The following MYT1L variants were observed in gnomAD, a reference collection of about 807,000 sequenced individuals.
MYT1L encodes the protein myelin transcription factor 1 like.
A neutral mutation model predicts 126.7 loss-of-function variants in MYT1L; 12 were observed. That is an observed-to-expected ratio of 0.09 (90% CI 0.06 to 0.15). MYT1L has a LOEUF of 0.15. MYT1L is among the 10% of genes least tolerant of loss of function. The pLI is 1.00. For synonymous variants in MYT1L, 541 were observed against 604.2 expected (o/e 0.90, Z 1.53); for missense variants, 979 against 1,585.2 (o/e 0.62, Z 6.49).
chr2:2,265,312 C>CT (rs199797506), intron 2 of MYT1L, among the ~76,000 whole-genome samples: 2,215 of 145,260 alleles, frequency 0.015, 33 homozygotes, highest in East Asian at 0.081. Flanking sequence ...CTGGCCCATC[C>CT]TTTTTTTTTT....
intron 1 of MYT1L, chr2:2,327,198 C>T (rs1399160639): frequency 1.3e-5 from 2 of 152,106 alleles, no homozygotes; most frequent in African/African-American, 4.8e-5. Context: ...ATATCTTTTT[C>T]ATACCAGCAA....
chr2:1,900,778 C>T (rs2050240106), intron 14 of MYT1L, among the ~76,000 whole-genome samples: 1 of 152,164 alleles, frequency 6.6e-6, no homozygotes, highest in African/African-American at 2.4e-5. Flanking sequence ...GCTGCATTTC[C>T]TTTGCTCTGT....
intron 3 of MYT1L, among the ~76,000 whole-genome samples, chr2:2,094,970 C>T (rs1201005074): frequency 2.0e-5 from 3 of 152,150 alleles, no homozygotes; most frequent in Admixed American, 1.3e-4. Flanking sequence ...AGCATTCAGC[C>T]CTGTTGTCAC....
intron 5 of MYT1L, among the ~76,000 whole-genome samples, chr2:1,994,503 T>C (rs13382326): frequency 0.086 from 13,139 of 152,206 alleles, 739 homozygotes; most frequent in African/African-American, 0.17. Flanking sequence ...TGCTGTCTCC[T>C]GGTGATGCTC....
rs2090566172 is a variant in MYT1L, at chr2:2,175,057, G to A, written c.-420-2069C>T. On this transcript the variant is annotated intron_variant, in intron 2 of 24. Coordinates refer to ENST00000647738, the MANE Select transcript of MYT1L (RefSeq NM_001303052.2). ...CTCAGACCTCCTTTCTATGTGTGTT[G>A]TATGTTGAGTGTGAATTCGTAGCTT... 1.3e-5 allele frequency among the ~76,000 whole-genome samples: 2 copies of A among 152,070 alleles called. 1 individual carries two copies. Among genetic ancestry groups the A allele is most frequent in the African/African-American group, 4.8e-5 (2 of 41,326 alleles).
intron 2 of MYT1L, among the ~76,000 whole-genome samples, chr2:2,199,175 C>T (rs534050703): frequency 6.6e-6 from 1 of 152,130 alleles, no homozygotes; most frequent in Non-Finnish European, 1.5e-5. Flanking sequence ...CAAACATTGT[C>T]CTTAATAACA....
At chr2:2,170,267 A>G (rs879733632) in intron 3 of MYT1L, among the ~76,000 whole-genome samples, 4 of 152,216 alleles carry the variant, frequency 2.6e-5, no homozygotes, top group Non-Finnish European at 2.9e-5. Flanking sequence ...AGTCTTCACC[A>G]TGGGTTGACA....
At chr2:2,040,690 A>G (rs563297087) in intron 4 of MYT1L, among the ~76,000 whole-genome samples, 1 of 152,306 alleles carries the variant, frequency 6.6e-6, no homozygotes, top group African/African-American at 2.4e-5. Flanking sequence ...TGGAAAAAGC[A>G]TCAATATTTA....
intron 8 of MYT1L, among the ~76,000 whole-genome samples, chr2:1,971,764 G>C (rs1055801409): frequency 6.6e-6 from 1 of 152,048 alleles, no homozygotes; most frequent in African/African-American, 2.4e-5. Flanking sequence ...AAAAACAAAA[G>C]AGGAGGCCTG....
chr2:2,144,918 A>T (rs2148222922), intron 3 of MYT1L, among the ~76,000 whole-genome samples: 1 of 152,340 alleles, frequency 6.6e-6, no homozygotes, highest in South Asian at 2.1e-4. Context: ...TAATTATATC[A>T]TTATTCTTAT....
In MYT1L at chr2:1,914,211, G is replaced by A. The variant is rs139145985; in HGVS notation, c.1619-2101C>T. On this transcript the variant is annotated intron_variant, in intron 11 of 24. Coordinates refer to ENST00000647738, the MANE Select transcript of MYT1L (RefSeq NM_001303052.2). ...GGAGGTTGCAGTGAGCCGAGATTACGCCATTGCACTCCAGCCTGGGCGACA... is the reference window on the plus strand; with the variant it reads ...GGAGGTTGCAGTGAGCCGAGATTACACCATTGCACTCCAGCCTGGGCGACA... 4.3e-3 allele frequency among the ~76,000 whole-genome samples: 648 copies of A among 151,886 alleles called. 6 individuals are homozygous for A. The highest frequency in any genetic ancestry group is 0.014 in the African/African-American group (590 of 41,394).
intron 4 of MYT1L, among the ~76,000 whole-genome samples, chr2:2,006,839 G>C (rs546113294): frequency 6.6e-6 from 1 of 151,898 alleles, no homozygotes; most frequent in African/African-American, 2.4e-5. Context: ...GCCTCCCAAA[G>C]TGCTGGGATT....
At chr2:2,077,408 A>C (rs573950231) in intron 3 of MYT1L, among the ~76,000 whole-genome samples, 12 of 152,348 alleles carry the variant, frequency 7.9e-5, no homozygotes, top group African/African-American at 2.4e-4. Context: ...GGATCAAATT[A>C]ACAAAAGGCA....
intron 9 of MYT1L, among the ~76,000 whole-genome samples, chr2:1,935,693 C>A (rs1456093871): frequency 6.6e-6 from 1 of 152,146 alleles, no homozygotes; most frequent in Non-Finnish European, 1.5e-5. Context: ...GTGACACAGC[C>A]AGAGCTGGAA....
chr2:2,252,976 A>G (rs973004499), intron 2 of MYT1L, among the ~76,000 whole-genome samples: 1 of 151,906 alleles, frequency 6.6e-6, no homozygotes, highest in Non-Finnish European at 1.5e-5. Context: ...ATTTTTTTTA[A>G]AAAAATAAAC....
At chr2:2,125,521 G>A (rs1177118892) in intron 3 of MYT1L, among the ~76,000 whole-genome samples, 1 of 152,144 alleles carries the variant, frequency 6.6e-6, no homozygotes, top group East Asian at 1.9e-4. Context: ...TAGGTGTTAG[G>A]CACATCAACC....
intron 3 of MYT1L, among the ~76,000 whole-genome samples, chr2:2,078,011 T>G (rs1428520823): frequency 2.6e-5 from 4 of 152,290 alleles, no homozygotes; most frequent in Non-Finnish European, 5.9e-5. Flanking sequence ...TTATAAGGTA[T>G]AAAGAAGTAA....
intron 3 of MYT1L, among the ~76,000 whole-genome samples, chr2:2,063,407 C>G (rs555821890): frequency 4.6e-5 from 7 of 152,216 alleles, no homozygotes; most frequent in East Asian, 1.9e-4. Flanking sequence ...TCCTGGAAAC[C>G]CTTTTCACAT....
At chr2:2,179,787 T>C (rs1431095975) in intron 2 of MYT1L, among the ~76,000 whole-genome samples, 2 of 152,202 alleles carry the variant, frequency 1.3e-5, no homozygotes, top group African/African-American at 4.8e-5. Context: ...TGACCTTTAG[T>C]TTAAGCTGCT....
Sources: allele counts gnomAD v4.1 joint callset (sites outside exome capture counted in the v4.1 genomes callset), GRCh38; gene constraint gnomAD v4.1.1; transcripts MANE v1.5; gene names NCBI Gene and HGNC (gene_info 2026-07-23, HGNC 2026-07-21).